FHIP1B: variants seen among roughly 807,000 people sequenced by gnomAD.
FHIP1B encodes FHF complex subunit HOOK-interacting protein 1B.
FHIP1B carries 28 observed loss-of-function variants against 82.2 expected under a neutral mutation model. The observed-to-expected ratio is 0.34, with a 90% CI of 0.25 to 0.47. The LOEUF (loss-of-function observed/expected upper bound fraction) is 0.47, where lower values mean the gene tolerates loss of function less well. FHIP1B is among the 20% of genes least tolerant of loss of function. FHIP1B has a pLI of 1.00. For synonymous variants in FHIP1B, 585 were observed against 516.1 expected (o/e 1.13, Z -1.81); for missense variants, 1,110 against 1,262.6 (o/e 0.88, Z 1.83).
chr11:6,217,547 T>C lies in FHIP1B; in HGVS notation c.2039A>G (p.Glu680Gly). 1.9e-6 allele frequency: 3 copies of C among 1,609,764 alleles called. No homozygotes were observed. Among genetic ancestry groups the C allele is most frequent in the South Asian group, 1.1e-5 (1 of 90,602 alleles). Residue 680 changes from glutamate (E) to glycine (G), a missense_variant, in exon 9 of 12, where the codon GAG becomes GGG. This residue lies in a region of FHIP1B where 418 missense variants were observed against 371.4 expected (regional missense o/e 1.13). Coordinates refer to ENST00000449352, the MANE Select transcript of FHIP1B (RefSeq NM_001098794.2). The stretch of plus-strand genomic sequence containing the variant: ...CCCATTGCTCAATGCCACCTCTAGC[T>C]CCCGGAGCTCCTGCCCAAAGCCCTC... ...GLEGFGQELR[E>G]LEVALSNGGT...
At position 6,218,078 on chromosome 11, in the gene FHIP1B, G is replaced by C; in HGVS notation, c.1508C>G (p.Ala503Gly). The C allele has an allele frequency of 6.2e-7, 1 of 1,613,824 alleles. No individual in the cohort carries two copies. The highest frequency in any genetic ancestry group is 8.5e-7 in the Non-Finnish European group (1 of 1,179,856). Reference protein sequence around the residue: ...VPRPSTPSRLALFLRQQSLGG... With the variant: ...VPRPSTPSRLGLFLRQQSLGG... Reference sequence around the variant, plus strand: ...CAGGCTCTGCTGCCGCAGGAAGAGAGCCAGACGAGATGGTGTGGAGGGCCG... The same window carrying C: ...CAGGCTCTGCTGCCGCAGGAAGAGACCCAGACGAGATGGTGTGGAGGGCCG... Residue 503 changes from alanine to glycine, a missense_variant, in exon 9 of 12, where the codon GCT becomes GGT. Ala to Gly is a moderately conservative substitution (Grantham distance 60, BLOSUM62 0). Around this residue, in one of 6 missense-constraint regions of FHIP1B, gnomAD observed 418 missense variants for 371.4 expected, o/e 1.13. Transcript: ENST00000449352.
At chr11:6,231,646 G>T (rs1465152912) in intron 1 of FHIP1B, among the ~76,000 whole-genome samples, 1 of 151,452 alleles carries the variant, frequency 6.6e-6, no homozygotes, top group Non-Finnish European at 1.5e-5. Flanking sequence ...AATTTTTGGT[G>T]GGTTTTTTTG....
At position 6,218,030 on chromosome 11, in the gene FHIP1B, G is replaced by A; in HGVS notation, c.1556C>T (p.Pro519Leu). 1 of 1,613,472 alleles carries A rather than the reference G, an allele frequency of 6.2e-7. No homozygotes were observed. The highest frequency in any genetic ancestry group is 1.1e-5 in the South Asian group (1 of 91,048). Residue 519 changes from proline to leucine, a missense_variant, in exon 9 of 12, where the codon CCA becomes CTA. Physicochemically the swap from Pro to Leu is moderately conservative, Grantham distance 98. Around this residue, in one of 6 missense-constraint regions of FHIP1B, gnomAD observed 418 missense variants for 371.4 expected, o/e 1.13. Coordinates refer to ENST00000449352, the MANE Select transcript of FHIP1B (RefSeq NM_001098794.2). ...QSLGGSESPG[P>L]APCSPGLSAS... ...AGAAAGCCCTGGTGAGCAAGGGGCTGGGCCTGGAGACTCAGAGCCACCCAG... is the reference window on the plus strand; with the variant it reads ...AGAAAGCCCTGGTGAGCAAGGGGCTAGGCCTGGAGACTCAGAGCCACCCAG...
In FHIP1B at chr11:6,222,918, A is replaced by AG. The variant is rs1403243588; in HGVS notation, c.937-22dup. 3 of 1,612,058 alleles carry AG rather than the reference A, an allele frequency of 1.9e-6. No individual in the cohort carries two copies. The Admixed American group carries it at 5.0e-5, about 27-fold the overall frequency. ...GCCACCTGTAGGAGTGCCAGAGAGA[A>AG]GGGGGAGGGTTATGAGGAGACCACT... On this transcript the variant is annotated intron_variant, in intron 4 of 11. Transcript: ENST00000449352.
At chr11:6,227,437 G>A (rs752143939) in intron 1 of FHIP1B, among the ~76,000 whole-genome samples, 1 of 152,214 alleles carries the variant, frequency 6.6e-6, no homozygotes, top group Admixed American at 6.5e-5. Context: ...TGGGGGATGA[G>A]AGAAGACTCT....
intron 6 of FHIP1B, among the ~76,000 whole-genome samples, chr11:6,222,123 T>G (rs528901208): frequency 8.6e-4 from 131 of 152,258 alleles, no homozygotes; most frequent in African/African-American, 2.8e-3. Context: ...CACAGAGTGA[T>G]AAACAGTTTA....
chr11:6,231,536 C>T (rs1174652416), intron 1 of FHIP1B, among the ~76,000 whole-genome samples: 1 of 147,084 alleles, frequency 6.8e-6, no homozygotes, highest in Non-Finnish European at 1.5e-5. Flanking sequence ...AGTGGTGTGA[C>T]CTCATCTCAC....
chr11:6,232,036 C>T (rs994628606), intron 1 of FHIP1B, among the ~76,000 whole-genome samples: 2 of 152,178 alleles, frequency 1.3e-5, no homozygotes, highest in Admixed American at 6.5e-5. Flanking sequence ...GTGCCTGGCA[C>T]AGAGCAGATA....
In FHIP1B at chr11:6,217,719, C is replaced by T. The variant is rs1425464419; in HGVS notation, c.1867G>A (p.Ala623Thr). 4.4e-6 allele frequency: 7 copies of T among 1,606,120 alleles called. No homozygotes were observed. The highest frequency in any genetic ancestry group is 6.0e-6 in the Non-Finnish European group (7 of 1,175,182). The change falls in exon 9 of 12, where the codon GCA becomes ACA. Residue 623 changes from alanine (A) to threonine (T), a missense_variant. Ala to Thr is a moderately conservative substitution (Grantham distance 58). Around this residue, in one of 6 missense-constraint regions of FHIP1B, gnomAD observed 418 missense variants for 371.4 expected, o/e 1.13. Transcript: ENST00000449352. ...GGCAGGTGACCAGGGCCCTCCCCTG[C>T]ACCCCCAGCCCGCCCCCTCCTCCCC... ...ELGRRGRAGG[A>T]GEGPGHLPPP...
Position 6,214,824 on chromosome 11 carries a change from G to C in FHIP1B, c.2303C>G (p.Ala768Gly). ...GGGCTGGGGGTGACAGGCCAGCTGG[G>C]CCACCAGCCCCGTCAGCAGGAAGTT... The part of the protein sequence containing the change: ...YVNFLLTGLV[A>G]QLACHPQPLL... The change falls in exon 10 of 12, where the codon GCC (alanine) becomes GGC (glycine). Residue 768 changes from alanine (A) to glycine (G), a missense_variant. Coordinates refer to ENST00000449352, the MANE Select transcript of FHIP1B (RefSeq NM_001098794.2). 9 of 1,611,978 alleles carry C rather than the reference G, an allele frequency of 5.6e-6. No homozygotes were observed. Among genetic ancestry groups the C allele is most frequent in the Non-Finnish European group, 6.8e-6 (8 of 1,179,102 alleles).
rs1215339617 is a variant in FHIP1B, at chr11:6,218,153, G to T, written c.1436-3C>A. The T allele has an allele frequency of 1.2e-6, 2 of 1,607,286 alleles. No homozygotes were observed. The highest frequency in any genetic ancestry group is 1.7e-6 in the Non-Finnish European group (2 of 1,176,824). On this transcript the variant is annotated splice_region_variant and splice_polypyrimidine_tract_variant and intron_variant, in intron 8 of 11. Transcript: ENST00000449352. ...GTCCACACTTGGGCTTCCAGGACCT[G>T]CAAAGGGAAAAAATATAAGAGAAAT...
At chr11:6,219,118 C>T (rs755286408) in intron 6 of FHIP1B, 68 bp from the exon 7 acceptor site, 562 of 1,331,106 alleles carry the variant, frequency 4.2e-4, no homozygotes, top group Non-Finnish European at 5.6e-4. Context: ...ATTCACCAAA[C>T]GGGAACCCCA....
chr11:6,223,114 A>G lies in FHIP1B; in HGVS notation c.902T>C (p.Met301Thr). The G allele has an allele frequency of 6.3e-7, 1 of 1,591,424 alleles. No homozygotes were observed. Reference sequence around the variant, plus strand: ...TGCATTGCAGAACTCCAGGGAACTCATGAAGAGTGCAAGGGCTGGCACTCC... The same window carrying G: ...TGCATTGCAGAACTCCAGGGAACTCGTGAAGAGTGCAAGGGCTGGCACTCC... The part of the protein sequence containing the change: ...WLGVPALALF[M>T]SSLEFCNAVI... The change falls in exon 4 of 12, where the codon ATG becomes ACG. Residue 301 changes from methionine (M) to threonine (T), a missense_variant. Met to Thr is a moderately conservative substitution (Grantham distance 81, BLOSUM62 -1). Transcript: ENST00000449352. This position sits in a 1 kb window ranked among gnomAD's most constrained non-coding sequence, Gnocchi z 4.8.
At position 6,218,649 on chromosome 11, in the gene FHIP1B, C is replaced by G. The variant is rs144607645; in HGVS notation, c.1386G>C (p.Arg462=). The G allele has an allele frequency of 3.7e-6, 6 of 1,614,124 alleles. No homozygotes were observed. The highest frequency in any genetic ancestry group is 1.6e-4 in the Middle Eastern group (1 of 6,062). ...GACGAGGTGGGCTGGGGGCGTGGTG[C>G]CGACAACAGCGTGGGATTAGGGAGA... ...KFLSLIPRCC[R]HHAPSPPRPE... Residue 462 remains arginine (R), a synonymous_variant, in exon 8 of 12, where the codon CGG becomes CGC. Coordinates refer to ENST00000449352, the MANE Select transcript of FHIP1B (RefSeq NM_001098794.2).
chr11:6,232,922 G>C lies in FHIP1B; in HGVS notation c.-192+1622C>G, dbSNP rs957233444. Among the ~76,000 whole-genome samples, 3 of 151,864 alleles carry C rather than the reference G, an allele frequency of 2.0e-5. No homozygotes were observed. The East Asian group carries it at 5.8e-4, about 29-fold the overall frequency. ...ACGAAAGAGCACTGCAACACCAAAA[G>C]AATAGGAATGATAATCTCTGAGAAT... On this transcript the variant is annotated intron_variant, in intron 1 of 11. Transcript: ENST00000449352.
At chr11:6,221,593 C>T (rs970733383) in intron 6 of FHIP1B, among the ~76,000 whole-genome samples, 1 of 152,060 alleles carries the variant, frequency 6.6e-6, no homozygotes, top group Non-Finnish European at 1.5e-5. Context: ...GCTCACTACA[C>T]CTCTAGTCTT....
Position 6,217,733 on chromosome 11 carries a change from C to T in FHIP1B, c.1853G>A (p.Gly618Glu). Residue 618 changes from glycine to glutamate, a missense_variant, in exon 9 of 12, where the codon GGG becomes GAG. This residue lies in a region of FHIP1B where 418 missense variants were observed against 371.4 expected (regional missense o/e 1.13). Transcript: ENST00000449352. ...GCCCTCCCCTGCACCCCCAGCCCGC[C>T]CCCTCCTCCCCAGCTCTTCCTCCTC... ...EGEEEELGRR[G>E]RAGGAGEGPG... The T allele has an allele frequency of 3.1e-6, 5 of 1,604,982 alleles. No homozygotes were observed. The highest frequency in any genetic ancestry group is 4.3e-6 in the Non-Finnish European group (5 of 1,175,294).
chr11:6,214,214 A>G lies in FHIP1B; in HGVS notation c.2557+197T>C, dbSNP rs1249743392. On this transcript the variant is annotated intron_variant, in intron 11 of 11. Coordinates refer to ENST00000449352, the MANE Select transcript of FHIP1B (RefSeq NM_001098794.2). ...CAAATTCTAGAGTAGTTTTTGCTAG[A>G]ACTGCTGATCTGGCTCTTAATAGAT... 4.6e-5 allele frequency among the ~76,000 whole-genome samples: 7 copies of G among 152,188 alleles called. No homozygotes were observed. The East Asian group carries it at 1.3e-3, about 29-fold the overall frequency.
Position 6,224,062 on chromosome 11 carries a change from C to T in FHIP1B, c.325G>A (p.Val109Met), listed in dbSNP as rs2133826253. ...TCCCATTGCAGCTGCCATGTCAACA[C>T]ACGGGTCAGCAGATCCTCGTGCAGA... ...FALHEDLLTR[V>M]LTWQLQWDEL... Residue 109 changes from valine (V) to methionine (M), a missense_variant, in exon 3 of 12, where the codon GTG (valine) becomes ATG (methionine). Transcript: ENST00000449352. 1 of 1,613,488 alleles carries T rather than the reference C, an allele frequency of 6.2e-7. No individual in the cohort carries two copies. The highest frequency in any genetic ancestry group is 8.5e-7 in the Non-Finnish European group (1 of 1,179,654).
Sources: allele counts gnomAD v4.1 joint callset (sites outside exome capture counted in the v4.1 genomes callset), GRCh38; gene constraint gnomAD v4.1.1; regional missense constraint gnomAD v4.1.1; non-coding constraint Gnocchi (gnomAD v3.1); transcripts MANE v1.5; gene names NCBI Gene and HGNC (gene_info 2026-07-23, HGNC 2026-07-21).